TRPM2: variants seen among roughly 807,000 people sequenced by gnomAD.
TRPM2 encodes the protein estrogen-responsive element-associated gene 1 protein.
Under a neutral mutation model 174.0 loss-of-function variants are expected in TRPM2, and 161 were observed. That is an observed-to-expected ratio of 0.93 (90% CI 0.81 to 1.05). The LOEUF (loss-of-function observed/expected upper bound fraction) is 1.05. TRPM2 is among the 50% of genes least tolerant of loss of function. The pLI, the probability that TRPM2 is intolerant of heterozygous loss-of-function variation, is 0.00. For missense variants in TRPM2, 2,057 were observed against 2,038.0 expected (o/e 1.01, Z -0.18); for synonymous variants, 954 against 861.3 (o/e 1.11, Z -1.88).
At chr21:44,386,107 C>G (rs1219997902) in intron 9 of TRPM2, among the ~76,000 whole-genome samples, 1 of 152,160 alleles carries the variant, frequency 6.6e-6, no homozygotes, top group African/African-American at 2.4e-5. Flanking sequence ...CCACATTTGC[C>G]AGGTGTGATG....
intron 28 of TRPM2, among the ~76,000 whole-genome samples, chr21:44,436,692 C>G (rs1238655699): frequency 6.7e-6 from 1 of 149,376 alleles, no homozygotes; most frequent in Admixed American, 6.6e-5. Flanking sequence ...TCCCACGTCA[C>G]CCCCGGGAGG....
intron 5 of TRPM2, among the ~76,000 whole-genome samples, chr21:44,373,465 G>T (rs147959018): frequency 3.0e-4 from 46 of 152,364 alleles, no homozygotes; most frequent in African/African-American, 1.1e-3. Context: ...GGGATTACAG[G>T]TGTGAGCCAC....
intron 22 of TRPM2, among the ~76,000 whole-genome samples, chr21:44,419,695 A>G: frequency 7.2e-6 from 1 of 138,114 alleles, no homozygotes; most frequent in South Asian, 2.4e-4. Context: ...GATGGCTGTA[A>G]TGGAAGTGGT....
intron 2 of TRPM2, among the ~76,000 whole-genome samples, chr21:44,360,896 T>A (rs1414749652): frequency 1.3e-5 from 2 of 151,964 alleles, no homozygotes; most frequent in Admixed American, 1.3e-4. Context: ...TGTATTTGTG[T>A]AACTACCACC....
intron 22 of TRPM2, among the ~76,000 whole-genome samples, chr21:44,421,058 G>A (rs894601880): frequency 6.6e-5 from 10 of 152,188 alleles, no homozygotes; most frequent in African/African-American, 4.8e-5. Flanking sequence ...GGTGGCTCAC[G>A]CCTGTAATCT....
intron 30 of TRPM2, 41 bp from the exon 31 acceptor site, chr21:44,440,748 G>A (rs1407647477): frequency 6.3e-7 from 1 of 1,576,402 alleles, no homozygotes; most frequent in Non-Finnish European, 8.7e-7. Flanking sequence ...CACCGCTCAG[G>A]TGTCCCTCGC....
intron 5 of TRPM2, among the ~76,000 whole-genome samples, chr21:44,375,157 G>C (rs561692109): frequency 6.6e-6 from 1 of 152,198 alleles, no homozygotes; most frequent in East Asian, 1.9e-4. Flanking sequence ...TGATCCTCCC[G>C]CCTTGGCCTC....
At chr21:44,389,565 C>T (rs969656146) in intron 9 of TRPM2, among the ~76,000 whole-genome samples, 12 of 152,180 alleles carry the variant, frequency 7.9e-5, no homozygotes, top group African/African-American at 2.7e-4. Flanking sequence ...TGTTGTCAGT[C>T]TTTTAAACTG....
At chr21:44,425,917 C>A in intron 25 of TRPM2, 90 bp downstream of exon 25, 1 of 1,375,380 alleles carries the variant, frequency 7.3e-7, no homozygotes, top group Non-Finnish European at 9.5e-7. Flanking sequence ...GGTATTAATC[C>A]TGGCTCCCAG....
rs1308319771 is a variant in TRPM2, at chr21:44,367,671, T to C, written c.604+737T>C. On this transcript the variant is annotated intron_variant, in intron 4 of 31. Transcript: ENST00000397928. This position sits in a 1 kb window ranked among gnomAD's most constrained non-coding sequence, Gnocchi z 4.6. ...AGGCCCTGAGGTGACTACTTGGCAA[T>C]GTTGCGTCCGGATGGGCCTAGAGTC... Among the ~76,000 whole-genome samples the C allele has an allele frequency of 6.6e-6, 1 of 152,144 alleles. No individual in the cohort carries two copies. Among genetic ancestry groups the C allele is most frequent in the Non-Finnish European group, 1.5e-5 (1 of 68,010 alleles).
At position 44,440,799 on chromosome 21, in the gene TRPM2, G is replaced by A; in HGVS notation, c.4280G>A (p.Gly1427Asp). The change falls in exon 31 of 32, where the codon GGC (glycine) becomes GAC (aspartate). Residue 1427 changes from glycine to aspartate, a missense_variant. By Grantham distance (94) the Gly-to-Asp change is moderately conservative. Transcript: ENST00000397928. Reference protein sequence around the residue: ...LLKCGMEVYKGYMDDPRNTDN... With the variant: ...LLKCGMEVYKDYMDDPRNTDN... The stretch of plus-strand genomic sequence containing the variant: ...GCCCTGCCCATCCAGGTGTACAAAG[G>A]CTACATGGATGACCCGAGGAACACG... 1 of 1,613,674 alleles carries A rather than the reference G, an allele frequency of 6.2e-7. No individual in the cohort carries two copies. The highest frequency in any genetic ancestry group is 1.1e-5 in the South Asian group (1 of 91,068).
intron 6 of TRPM2, among the ~76,000 whole-genome samples, chr21:44,377,201 A>G (rs2048730847): frequency 6.6e-6 from 1 of 152,328 alleles, no homozygotes; most frequent in African/African-American, 2.4e-5. Context: ...AGGGGTTGCC[A>G]AGTCCTTCTC....
chr21:44,427,865 G>A (rs2050863512), intron 27 of TRPM2, among the ~76,000 whole-genome samples: 1 of 152,182 alleles, frequency 6.6e-6, no homozygotes, highest in African/African-American at 2.4e-5. Context: ...TCCTGGCCAG[G>A]TGGCTGCAGC....
chr21:44,419,622 G>GATT, intron 22 of TRPM2, among the ~76,000 whole-genome samples: 1 of 6,128 alleles, frequency 1.6e-4, no homozygotes, highest in Non-Finnish European at 3.7e-4. Flanking sequence ...GTGATGTGGT[G>GATT]GTGATTGTGA....
intron 22 of TRPM2, among the ~76,000 whole-genome samples, chr21:44,420,125 G>C (rs2050497522): frequency 6.6e-6 from 1 of 152,112 alleles, no homozygotes; most frequent in Non-Finnish European, 1.5e-5. Flanking sequence ...GCTTGAGTCT[G>C]GGCATGATGA....
At chr21:44,356,122 T>G in intron 2 of TRPM2, among the ~76,000 whole-genome samples, 1 of 128,810 alleles carries the variant, frequency 7.8e-6, no homozygotes. Context: ...AGGCAGGTGA[T>G]CCACCCGCCT....
intron 5 of TRPM2, among the ~76,000 whole-genome samples, chr21:44,371,577 C>T (rs557633897): frequency 1.3e-5 from 2 of 152,308 alleles, no homozygotes; most frequent in South Asian, 4.1e-4. Context: ...GTGCCTGTGT[C>T]AAATCTCCCC....
chr21:44,405,349 C>A (rs887815556), intron 17 of TRPM2, 89 bp downstream of exon 17: 1 of 1,567,866 alleles, frequency 6.4e-7, no homozygotes, highest in Non-Finnish European at 8.6e-7. Context: ...CCAGCCACAC[C>A]GGGTGAGGCT....
chr21:44,369,994 G>A (rs1412967525), intron 5 of TRPM2, among the ~76,000 whole-genome samples: 4 of 147,046 alleles, frequency 2.7e-5, no homozygotes, highest in Non-Finnish European at 5.9e-5. Flanking sequence ...CGTCTGACCG[G>A]GTGCTGTGAG....
Sources: gnomAD v4.1 joint callset for allele counts (sites outside exome capture counted in the v4.1 genomes callset) on GRCh38, gnomAD v4.1.1 for gene constraint, Gnocchi (gnomAD v3.1) non-coding constraint, MANE v1.5 for transcripts, NCBI Gene and HGNC (gene_info 2026-07-23, HGNC 2026-07-21) for gene names.